Variants in ADGRL4 observed in about 807,000 individuals in gnomAD.
The protein encoded by ADGRL4 is EGF, latrophilin and seven transmembrane domain containing 1.
In ADGRL4, 90 loss-of-function variants were observed where a neutral mutation model predicts 74.8. The observed-to-expected ratio is 1.20, with a 90% CI of 1.02 to 1.43. The LOEUF is 1.43. Ranked by LOEUF, ADGRL4 falls within the 40% of genes most tolerant of loss-of-function variation. ADGRL4 has a pLI of 0.00. For synonymous variants in ADGRL4, 311 were observed against 279.2 expected (o/e 1.11, Z -1.14); for missense variants, 881 against 814.3 (o/e 1.08, Z -1.00).
chr1:78,981,875 C>T (rs557896775), intron 2 of ADGRL4, among the ~76,000 whole-genome samples: 4 of 151,752 alleles, frequency 2.6e-5, no homozygotes, highest in Non-Finnish European at 2.9e-5. Flanking sequence ...GACATAATTA[C>T]AGCACAATTT....
At chr1:78,976,125 A>C (rs1650275363) in intron 2 of ADGRL4, among the ~76,000 whole-genome samples, 1 of 152,016 alleles carries the variant, frequency 6.6e-6, no homozygotes, top group African/African-American at 2.4e-5. Context: ...ACAGTCCCAG[A>C]AGAACAAGGT....
chr1:78,936,214 A>C, intron 7 of ADGRL4, 81 bp downstream of exon 7: 2 of 1,414,710 alleles, frequency 1.4e-6, no homozygotes, highest in South Asian at 1.3e-5. Flanking sequence ...TGTTACATGT[A>C]CATATGACAT....
Position 78,918,059 on chromosome 1 carries a change from C to CAA in ADGRL4, c.1462-11_1462-10dup, listed in dbSNP as rs778025819. The CAA allele has an allele frequency of 2.9e-6, 4 of 1,393,952 alleles. No homozygotes were observed. Among genetic ancestry groups the CAA allele is most frequent in the Non-Finnish European group, 2.9e-6 (3 of 1,034,234 alleles). 86.3% of individuals were successfully genotyped at this position (1,393,952 alleles called of 1,614,324 possible). ...ATGATTGAACAGAAGAGCTAGAAAT[C>CAA]AAAGAAAAAAAAAAAAACATTGTCA... On this transcript the variant is annotated splice_polypyrimidine_tract_variant and intron_variant, in intron 10 of 14. Transcript: ENST00000370742.
intron 2 of ADGRL4, among the ~76,000 whole-genome samples, chr1:78,966,631 A>G (rs1650062442): frequency 6.6e-6 from 1 of 152,078 alleles, no homozygotes; most frequent in Non-Finnish European, 1.5e-5. Context: ...ACAGATGAGC[A>G]GGGGCTCCTC....
intron 12 of ADGRL4, among the ~76,000 whole-genome samples, chr1:78,915,568 T>C (rs1648853454): frequency 6.6e-6 from 1 of 151,892 alleles, no homozygotes; most frequent in Non-Finnish European, 1.5e-5. Flanking sequence ...AGGCCAAGCA[T>C]GCCTAACTCT....
intron 2 of ADGRL4, among the ~76,000 whole-genome samples, chr1:78,972,681 C>A (rs990718022): frequency 6.6e-6 from 1 of 152,158 alleles, no homozygotes; most frequent in Non-Finnish European, 1.5e-5. Flanking sequence ...CTGCTTATTG[C>A]CGAAGCATTC....
chr1:78,893,066 A>AAAG, intron 13 of ADGRL4, 32 bp downstream of exon 13: 1 of 1,332,408 alleles, frequency 7.5e-7, no homozygotes, highest in South Asian at 1.4e-5. Flanking sequence ...ACCAAAAAAA[A>AAAG]AAAAAAAAAG....
At chr1:78,932,781 G>T (rs1416242198) in intron 7 of ADGRL4, among the ~76,000 whole-genome samples, 1 of 151,356 alleles carries the variant, frequency 6.6e-6, no homozygotes, top group African/African-American at 2.5e-5. Flanking sequence ...TACCATCAGA[G>T]AATACTATAA....
chr1:78,957,856 G>T (rs1169872724), intron 2 of ADGRL4, among the ~76,000 whole-genome samples: 4 of 152,194 alleles, frequency 2.6e-5, no homozygotes, highest in Non-Finnish European at 5.9e-5. Flanking sequence ...CTAGAGAGGA[G>T]AAGTCAATGC....
At chr1:78,991,148 C>A (rs1183879304) in intron 2 of ADGRL4, among the ~76,000 whole-genome samples, 1 of 151,996 alleles carries the variant, frequency 6.6e-6, no homozygotes, top group Non-Finnish European at 1.5e-5. Flanking sequence ...ATACTAAATT[C>A]TTTAAGACTT....
intron 3 of ADGRL4, among the ~76,000 whole-genome samples, chr1:78,944,111 A>G (rs574613050): frequency 6.6e-6 from 1 of 152,286 alleles, no homozygotes; most frequent in South Asian, 2.1e-4. Context: ...GTGTTTTCTA[A>G]TGCAGAAATT....
intron 12 of ADGRL4, among the ~76,000 whole-genome samples, chr1:78,899,080 G>A (rs778615160): frequency 2.6e-4 from 40 of 151,914 alleles, no homozygotes; most frequent in Non-Finnish European, 3.7e-4. Context: ...AGATCTCATC[G>A]AAAAAAATGA....
At chr1:78,897,332 C>G (rs1019598285) in intron 12 of ADGRL4, among the ~76,000 whole-genome samples, 4 of 152,108 alleles carry the variant, frequency 2.6e-5, no homozygotes, top group Non-Finnish European at 4.4e-5. Flanking sequence ...AGAATCTCCT[C>G]ACTTCTGATA....
At position 79,005,203 on chromosome 1, in the gene ADGRL4, C is replaced by A. The variant is rs1384447022; in HGVS notation, c.39G>T (p.Leu13Phe). 1 of 1,605,354 alleles carries A rather than the reference C, an allele frequency of 6.2e-7. No individual in the cohort carries two copies. Among genetic ancestry groups the A allele is most frequent in the Non-Finnish European group, 8.5e-7 (1 of 1,177,038 alleles). The change falls in exon 2 of 15, where the codon TTG becomes TTT. Residue 13 changes from leucine to phenylalanine, a missense_variant. Coordinates refer to ENST00000370742, the MANE Select transcript of ADGRL4 (RefSeq NM_022159.4). Reference protein sequence around the residue: ...RLPLLVVFSTLLNCSYTQNCT... With the variant: ...RLPLLVVFSTFLNCSYTQNCT... Reference sequence around the variant, plus strand: ...AATTTTGAGTATAGGAACAATTCAACAAAGTGGAAAAAACCACTAAATAAA... The same window carrying A: ...AATTTTGAGTATAGGAACAATTCAAAAAAGTGGAAAAAACCACTAAATAAA...
intron 12 of ADGRL4, among the ~76,000 whole-genome samples, chr1:78,911,081 C>T (rs1398124512): frequency 6.6e-6 from 1 of 151,702 alleles, no homozygotes; most frequent in East Asian, 1.9e-4. Flanking sequence ...TATATATTAC[C>T]TCAAAGGCAT....
At chr1:78,902,421 CT>C (rs1475832341) in intron 12 of ADGRL4, among the ~76,000 whole-genome samples, 1 of 152,064 alleles carries the variant, frequency 6.6e-6, no homozygotes, top group Non-Finnish European at 1.5e-5. Context: ...TCTGTTGTTG[CT>C]CTTATTATTA....
chr1:78,930,906 A>G (rs1470967539), intron 7 of ADGRL4, among the ~76,000 whole-genome samples: 1 of 151,466 alleles, frequency 6.6e-6, no homozygotes, highest in Non-Finnish European at 1.5e-5. Context: ...TGCTAGTACC[A>G]GAATTGAATC....
intron 4 of ADGRL4, 135 bp from the exon 5 acceptor site, chr1:78,938,414 C>A: frequency 1.8e-6 from 1 of 564,150 alleles, no homozygotes; most frequent in Non-Finnish European, 2.9e-6. Flanking sequence ...AACTAATAAA[C>A]CTAAACCATA....
chr1:78,922,630 A>T (rs1570230314), intron 8 of ADGRL4, among the ~76,000 whole-genome samples: 1 of 152,054 alleles, frequency 6.6e-6, no homozygotes, highest in East Asian at 1.9e-4. Context: ...AAAACTATTT[A>T]GTTATATAAC....
Sources: allele counts gnomAD v4.1 joint callset (sites outside exome capture counted in the v4.1 genomes callset), GRCh38; gene constraint gnomAD v4.1.1; transcripts MANE v1.5; gene names NCBI Gene and HGNC (gene_info 2026-07-23, HGNC 2026-07-21).